ABCC4: variants seen among roughly 807,000 people sequenced by gnomAD.
ABCC4 encodes ATP-binding cassette sub-family C member 4.
A neutral mutation model predicts 168.5 loss-of-function variants in ABCC4; 102 were observed. The ratio of observed to expected loss-of-function variants is 0.61; its 90% CI spans 0.52 to 0.71. ABCC4 has a LOEUF of 0.71. Ranked by LOEUF, ABCC4 falls within the 30% of genes least tolerant of loss-of-function variation. The pLI is 0.00. For missense variants in ABCC4, 1,402 were observed against 1,605.8 expected, an observed-to-expected ratio of 0.87 and a Z score of 2.17; for synonymous variants, 617 against 590.7, an observed-to-expected ratio of 1.04 and a Z score of -0.65.
chr13:95,277,607 G>A (rs993245331), intron 1 of ABCC4, among the ~76,000 whole-genome samples: 1 of 150,956 alleles, frequency 6.6e-6, no homozygotes, highest in Non-Finnish European at 1.5e-5. Flanking sequence ...CACAAAGAAA[G>A]TAGGGAGCCA....
chr13:95,225,151 T>A (rs147820886), intron 4 of ABCC4, among the ~76,000 whole-genome samples: 338 of 30,582 alleles, frequency 0.011, 1 homozygote, highest in Middle Eastern at 0.077. Context: ...TCTCTCTCTC[T>A]CTCACACACA....
chr13:95,192,326 T>G (rs1170722286), intron 9 of ABCC4, among the ~76,000 whole-genome samples: 1 of 149,712 alleles, frequency 6.7e-6, no homozygotes, highest in Non-Finnish European at 1.5e-5. Context: ...CCCAGCACCC[T>G]CTCAGCCGCA....
intron 19 of ABCC4, among the ~76,000 whole-genome samples, chr13:95,134,878 G>A (rs1395080753): frequency 1.3e-5 from 2 of 152,046 alleles, no homozygotes; most frequent in Non-Finnish European, 2.9e-5. Context: ...CAGGAGCTTG[G>A]GGCCTCACTT....
At chr13:95,082,872 C>A (rs1373129833) in intron 21 of ABCC4, among the ~76,000 whole-genome samples, 1 of 152,172 alleles carries the variant, frequency 6.6e-6, no homozygotes, top group Admixed American at 6.5e-5. Context: ...GAGTCCCTGT[C>A]TTCACAGTGC....
intron 8 of ABCC4, among the ~76,000 whole-genome samples, chr13:95,199,731 G>T (rs2038570112): frequency 6.6e-6 from 1 of 152,060 alleles, no homozygotes; most frequent in South Asian, 2.1e-4. Context: ...GTATCTCCCT[G>T]CCTCTACTCT....
At chr13:95,059,491 C>T (rs1320213491) in intron 26 of ABCC4, among the ~76,000 whole-genome samples, 3 of 152,152 alleles carry the variant, frequency 2.0e-5, no homozygotes, top group African/African-American at 4.8e-5. Flanking sequence ...TGCCTGCTCG[C>T]GAAATGCAAA....
intron 7 of ABCC4, among the ~76,000 whole-genome samples, chr13:95,207,587 A>C (rs1437097377): frequency 6.6e-6 from 1 of 152,264 alleles, no homozygotes; most frequent in African/African-American, 2.4e-5. Flanking sequence ...TAAGAAGCAT[A>C]CATGCTTTCT....
intron 19 of ABCC4, among the ~76,000 whole-genome samples, chr13:95,139,620 G>A (rs1245232284): frequency 6.6e-6 from 1 of 152,204 alleles, no homozygotes; most frequent in Non-Finnish European, 1.5e-5. Context: ...CAGGAAGGCA[G>A]GATCTACGGA....
intron 8 of ABCC4, among the ~76,000 whole-genome samples, chr13:95,200,355 C>A (rs890055345): frequency 6.6e-6 from 1 of 152,202 alleles, no homozygotes; most frequent in Non-Finnish European, 1.5e-5. Context: ...TGACCTCATG[C>A]GTTTTTTTAT....
At chr13:95,138,976 G>T (rs906166511) in intron 19 of ABCC4, among the ~76,000 whole-genome samples, 1 of 152,176 alleles carries the variant, frequency 6.6e-6, no homozygotes, top group Non-Finnish European at 1.5e-5. Context: ...GATCCTTCAA[G>T]GCTCGCCCCA....
intron 26 of ABCC4, among the ~76,000 whole-genome samples, chr13:95,060,654 A>G (rs2033252283): frequency 6.6e-6 from 1 of 152,218 alleles, no homozygotes; most frequent in South Asian, 2.1e-4. Context: ...AGCCAGAGGG[A>G]ATCTAACGTG....
At chr13:95,122,932 T>C (rs2035626969) in intron 19 of ABCC4, among the ~76,000 whole-genome samples, 1 of 152,238 alleles carries the variant, frequency 6.6e-6, no homozygotes, top group South Asian at 2.1e-4. Flanking sequence ...AAAGTGTAGT[T>C]GTTTCTTGCC....
rs2037086276 is a variant in ABCC4 at position 95,161,173 on chromosome 13, T to A, written c.2455+16A>T. Reference sequence around the variant, plus strand: ...TAACAAGACATACTTACTGAGAAACTTGGTGTCAGACTTACCTATTGGATT... The same window carrying A: ...TAACAAGACATACTTACTGAGAAACATGGTGTCAGACTTACCTATTGGATT... On this transcript the variant is annotated intron_variant, in intron 19 of 30. Coordinates refer to ENST00000645237, the MANE Select transcript of ABCC4 (RefSeq NM_005845.5). The A allele has an allele frequency of 6.4e-7, 1 of 1,573,554 alleles. No individual in the cohort carries two copies. Among genetic ancestry groups the A allele is most frequent in the African/African-American group, 1.4e-5 (1 of 73,068 alleles).
chr13:95,042,780 G>A (rs1312457044), intron 29 of ABCC4, among the ~76,000 whole-genome samples: 3 of 152,168 alleles, frequency 2.0e-5, no homozygotes, highest in Admixed American at 6.6e-5. Context: ...GTCCTTGCTT[G>A]CTGTCTCTCT....
chr13:95,079,703 C>T (rs878903432), intron 21 of ABCC4, among the ~76,000 whole-genome samples: 18 of 152,208 alleles, frequency 1.2e-4, no homozygotes, highest in Admixed American at 2.6e-4. Flanking sequence ...GGTGTGGTGG[C>T]GGGTGCCTGC....
intron 20 of ABCC4, among the ~76,000 whole-genome samples, chr13:95,098,341 A>T (rs994834428): frequency 6.6e-6 from 1 of 152,128 alleles, no homozygotes; most frequent in Non-Finnish European, 1.5e-5. Context: ...AATGTAACTT[A>T]AAAAATATAA....
intron 30 of ABCC4, among the ~76,000 whole-genome samples, chr13:95,025,219 A>T (rs1228295635): frequency 4.2e-5 from 1 of 23,616 alleles, no homozygotes; most frequent in Admixed American, 4.5e-4. Flanking sequence ...CCCCCCACAC[A>T]CCCCCACACA....
At position 95,073,133 on chromosome 13, in the gene ABCC4, A is replaced by G. The variant is rs147550379; in HGVS notation, c.3018+71T>C. Reference sequence around the variant, plus strand: ...AAAAATAACAGTTTTAATATTTCACATAAGAATGGCTTTTATACCATTTAA... The same window carrying G: ...AAAAATAACAGTTTTAATATTTCACGTAAGAATGGCTTTTATACCATTTAA... On this transcript the variant is annotated intron_variant, in intron 24 of 30. Transcript: ENST00000645237. The G allele has an allele frequency of 1.4e-4, 182 of 1,260,730 alleles. 2 individuals are homozygous for G. The African/African-American group carries it at 2.3e-3, about 16-fold the overall frequency. 78.1% of individuals were successfully genotyped at this position (1,260,730 alleles called of 1,614,324 possible). A position where few individuals can be genotyped will look rare whatever the true frequency, so the allele number is the denominator to read the frequency against.
At chr13:95,027,045 T>A (rs890382088) in intron 30 of ABCC4, among the ~76,000 whole-genome samples, 13 of 152,176 alleles carry the variant, frequency 8.5e-5, no homozygotes, top group African/African-American at 3.1e-4. Flanking sequence ...TAATTTTATA[T>A]CCACAACTTT....
Sources: allele counts gnomAD v4.1 joint callset (sites outside exome capture counted in the v4.1 genomes callset), GRCh38; gene constraint gnomAD v4.1.1; transcripts MANE v1.5; gene names NCBI Gene and HGNC (gene_info 2026-07-23, HGNC 2026-07-21).